Variants in MYCBP2 observed in about 807,000 individuals in gnomAD.
The protein encoded by MYCBP2 is MYC binding protein 2.
A neutral mutation model predicts 525.3 loss-of-function variants in MYCBP2; 120 were observed. The observed-to-expected ratio is 0.23, with a 90% confidence interval of 0.20 to 0.27. MYCBP2 has a LOEUF of 0.27. MYCBP2 is among the 10% of genes least tolerant of loss of function. MYCBP2 has a pLI of 1.00. For synonymous variants in MYCBP2, 1,894 were observed against 1,955.8 expected (o/e 0.97, Z 0.83); for missense variants, 4,149 against 5,657.1 (o/e 0.73, Z 8.55).
chr13:77,242,415 G>A (rs1400892844), intron 17 of MYCBP2, among the ~76,000 whole-genome samples: 1 of 152,084 alleles, frequency 6.6e-6, no homozygotes, highest in East Asian at 1.9e-4. Context: ...TGCCTGGCCA[G>A]TTAAATGTAT....
intron 1 of MYCBP2, among the ~76,000 whole-genome samples, chr13:77,304,783 A>G (rs1187740819): frequency 1.3e-5 from 2 of 152,112 alleles, no homozygotes; most frequent in Non-Finnish European, 2.9e-5. Flanking sequence ...AAATAAAATG[A>G]AATAAATATA....
At chr13:77,184,415 A>C (rs2060538085) in intron 32 of MYCBP2, among the ~76,000 whole-genome samples, 1 of 152,338 alleles carries the variant, frequency 6.6e-6, no homozygotes, top group African/African-American at 2.4e-5. Flanking sequence ...GATCTACCTT[A>C]GTGAATGGTC....
At chr13:77,138,426 C>A (rs539338630) in intron 52 of MYCBP2, among the ~76,000 whole-genome samples, 1 of 152,020 alleles carries the variant, frequency 6.6e-6, no homozygotes, top group Non-Finnish European at 1.5e-5. Context: ...ACTTTATAAA[C>A]GGATTTTTAA....
intron 82 of MYCBP2, 137 bp downstream of exon 82, chr13:77,050,860 G>T: frequency 1.4e-6 from 1 of 723,366 alleles, no homozygotes; most frequent in Non-Finnish European, 2.2e-6. Context: ...AGCTTACAAG[G>T]ATCAAGGAAT....
chr13:77,193,166 A>T (rs1333795439), intron 27 of MYCBP2, among the ~76,000 whole-genome samples: 1 of 152,102 alleles, frequency 6.6e-6, no homozygotes, highest in Non-Finnish European at 1.5e-5. Context: ...TAAAGAAATA[A>T]ATAAATACGG....
chr13:77,150,697 G>A (rs2056335135), intron 47 of MYCBP2, 37 bp downstream of exon 47: 1 of 1,585,518 alleles, frequency 6.3e-7, no homozygotes, highest in Non-Finnish European at 8.6e-7. Flanking sequence ...AACAAATGCT[G>A]AAAACTAAAA....
At chr13:77,216,053 C>G (rs1019642165) in intron 21 of MYCBP2, among the ~76,000 whole-genome samples, 2 of 152,092 alleles carry the variant, frequency 1.3e-5, no homozygotes, top group Non-Finnish European at 2.9e-5. Context: ...GACAGTCATA[C>G]AGGGCCTGTA....
At chr13:77,057,755 GCTC>G (rs1367779217) in intron 78 of MYCBP2, among the ~76,000 whole-genome samples, 1 of 151,198 alleles carries the variant, frequency 6.6e-6, no homozygotes, top group Non-Finnish European at 1.5e-5. Context: ...GGCAGAATTT[GCTC>G]CTCATTAGCC....
intron 54 of MYCBP2, among the ~76,000 whole-genome samples, chr13:77,122,010 CATAAAG>C (rs145498722): frequency 0.029 from 4,439 of 151,880 alleles, 90 homozygotes; most frequent in East Asian, 0.052. Context: ...TATTTTATCA[CATAAAG>C]ATATTTTTCC....
At chr13:77,082,990 C>T in intron 63 of MYCBP2, 42 bp downstream of exon 63, 4 of 1,558,652 alleles carry the variant, frequency 2.6e-6, no homozygotes, top group Non-Finnish European at 3.5e-6. Context: ...TCCATAAACT[C>T]TCTTGTCCAA....
chr13:77,320,785 TTTCTAATGAACACC>T (rs2081502826), intron 1 of MYCBP2, among the ~76,000 whole-genome samples: 1 of 152,148 alleles, frequency 6.6e-6, no homozygotes, highest in Non-Finnish European at 1.5e-5. Context: ...GCTAAAAAAT[TTTCTAATGAACACC>T]TAATAAACCC....
At chr13:77,182,207 G>A (rs531760057) in intron 32 of MYCBP2, among the ~76,000 whole-genome samples, 1 of 152,182 alleles carries the variant, frequency 6.6e-6, no homozygotes, top group South Asian at 2.1e-4. Flanking sequence ...CACAATCACA[G>A]TACTCTCTAG....
chr13:77,061,267 T>C lies in MYCBP2; in HGVS notation c.12938A>G (p.Asp4313Gly), dbSNP rs2039245616. ...GGTTCTACCACAACCTTCATGAAGG[T>C]CAACCTTTATAGCTTCTTCTTCTTC... is the stretch of plus-strand genomic sequence containing the variant. ...FKEEEEAIKV[D>G]LHEGCGRTKL... Residue 4313 changes from aspartate to glycine, a missense_variant, in exon 76 of 83, where the codon GAC (aspartate) becomes GGC (glycine). Transcript: ENST00000544440. The C allele has an allele frequency of 6.2e-7, 1 of 1,611,910 alleles. No homozygotes were observed. The highest frequency in any genetic ancestry group is 8.5e-7 in the Non-Finnish European group (1 of 1,178,966).
intron 20 of MYCBP2, among the ~76,000 whole-genome samples, chr13:77,220,005 C>T (rs1352745691): frequency 3.3e-5 from 5 of 151,998 alleles, no homozygotes; most frequent in Non-Finnish European, 5.9e-5. Context: ...GGATTAATGA[C>T]CATTGTACAG....
At position 77,055,749 on chromosome 13, in the gene MYCBP2, C is replaced by T. The variant is rs1408519515; in HGVS notation, c.13456G>A (p.Val4486Ile). Reference protein sequence around the residue: ...PICKNKINHIVLKDLLDPIKE... With the variant: ...PICKNKINHIILKDLLDPIKE... ...ATTGGATCAAGTAGGTCTTTTAGTA[C>T]TATGTGATTAATTTTGTTCTGCAAT... Residue 4486 changes from valine (V) to isoleucine (I), a missense_variant, in exon 80 of 83, where the codon GTA becomes ATA. Val to Ile is a conservative substitution (Grantham distance 29, BLOSUM62 3). This residue lies in a region of MYCBP2 where 220 missense variants were observed against 396.0 expected (regional missense o/e 0.56). Coordinates refer to ENST00000544440, the MANE Select transcript of MYCBP2 (RefSeq NM_015057.5). The T allele has an allele frequency of 6.2e-7, 1 of 1,611,888 alleles. No individual in the cohort carries two copies. Among genetic ancestry groups the T allele is most frequent in the Admixed American group, 1.7e-5 (1 of 59,844 alleles).
chr13:77,047,290 T>C (rs1306344009), intron 82 of MYCBP2, among the ~76,000 whole-genome samples: 2 of 152,176 alleles, frequency 1.3e-5, no homozygotes, highest in Admixed American at 1.3e-4. Context: ...GATATGAAAC[T>C]GAAGTAAAAT....
At position 77,140,897 on chromosome 13, in the gene MYCBP2, T is replaced by C; in HGVS notation, c.7350A>G (p.Ile2450Met). 6.2e-7 allele frequency: 1 copy of C among 1,613,186 alleles called. No individual in the cohort carries two copies. Among genetic ancestry groups the C allele is most frequent in the African/African-American group, 1.3e-5 (1 of 74,962 alleles). ...VKVKDPPKGM[I>M]PPGTQLVKPK... The stretch of plus-strand genomic sequence containing the variant: ...GTTTGACCAACTGAGTTCCTGGTGG[T>C]ATCATCCCTTTTGGTGGGTCTTTTA... Residue 2450 changes from isoleucine to methionine, a missense_variant, in exon 50 of 83, where the codon ATA becomes ATG. Around this residue, in one of 21 missense-constraint regions of MYCBP2, gnomAD observed 692 missense variants for 852.7 expected, o/e 0.81. Coordinates refer to ENST00000544440, the MANE Select transcript of MYCBP2 (RefSeq NM_015057.5).
chr13:77,304,150 C>A (rs949982948), intron 1 of MYCBP2, among the ~76,000 whole-genome samples: 10 of 152,050 alleles, frequency 6.6e-5, no homozygotes, highest in African/African-American at 2.4e-4. Context: ...GGAAAAAAAT[C>A]CGTATGTTGA....
intron 78 of MYCBP2, among the ~76,000 whole-genome samples, chr13:77,057,861 CAG>C (rs1566310907): frequency 8.6e-6 from 1 of 116,692 alleles, no homozygotes; most frequent in African/African-American, 3.4e-5. Flanking sequence ...TTTTTTGAGA[CAG>C]AGTCTCGCTC....
Sources: allele counts gnomAD v4.1 joint callset (sites outside exome capture counted in the v4.1 genomes callset), GRCh38; gene constraint gnomAD v4.1.1; regional missense constraint gnomAD v4.1.1; transcripts MANE v1.5; gene names NCBI Gene and HGNC (gene_info 2026-07-23, HGNC 2026-07-21).